The following CDKAL1 variants were observed in gnomAD, a reference collection of about 807,000 sequenced individuals.
CDKAL1 encodes the protein threonylcarbamoyladenosine tRNA methylthiotransferase.
Under a neutral mutation model 68.2 loss-of-function variants are expected in CDKAL1, and 32 were observed. The observed-to-expected ratio is 0.47, with a 90% CI of 0.35 to 0.63. The LOEUF (loss-of-function observed/expected upper bound fraction) is 0.63, where lower values mean the gene tolerates loss of function less well. CDKAL1 is among the 30% of genes least tolerant of loss of function. The pLI is 0.00. For missense variants in CDKAL1, 606 were observed against 696.7 expected (o/e 0.87, Z 1.47); for synonymous variants, 234 against 244.3 (o/e 0.96, Z 0.39).
At chr6:20,901,509 C>T (rs1207393866) in intron 9 of CDKAL1, among the ~76,000 whole-genome samples, 9 of 150,620 alleles carry the variant, frequency 6.0e-5, no homozygotes, top group Non-Finnish European at 1.3e-4. Context: ...CCTGTCTCTA[C>T]TAAAAATACA....
At chr6:20,791,038 C>T (rs1049276875) in intron 8 of CDKAL1, among the ~76,000 whole-genome samples, 2 of 152,126 alleles carry the variant, frequency 1.3e-5, no homozygotes, top group South Asian at 2.1e-4. Flanking sequence ...CAATCCGGTC[C>T]GTGGATTTGA....
At chr6:20,876,703 C>T (rs921215808) in intron 9 of CDKAL1, among the ~76,000 whole-genome samples, 1 of 152,066 alleles carries the variant, frequency 6.6e-6, no homozygotes, top group Non-Finnish European at 1.5e-5. Flanking sequence ...AACAGGCAGG[C>T]GTAGAATTCA....
At chr6:20,650,494 C>A (rs1768708766) in intron 5 of CDKAL1, among the ~76,000 whole-genome samples, 1 of 152,010 alleles carries the variant, frequency 6.6e-6, no homozygotes, top group East Asian at 1.9e-4. Flanking sequence ...AAAATTTTCT[C>A]CCATTCTATA....
At chr6:21,003,108 A>G (rs1412892734) in intron 11 of CDKAL1, among the ~76,000 whole-genome samples, 1 of 151,998 alleles carries the variant, frequency 6.6e-6, no homozygotes, top group African/African-American at 2.4e-5. Context: ...TGAGGACAGT[A>G]TAATCAGCTT....
chr6:21,096,994 A>G (rs1191558904), intron 12 of CDKAL1, among the ~76,000 whole-genome samples: 1 of 152,246 alleles, frequency 6.6e-6, no homozygotes, highest in African/African-American at 2.4e-5. Flanking sequence ...GGTAATATTT[A>G]TATCAAGAAT....
At chr6:21,193,983 A>G (rs957844433) in intron 13 of CDKAL1, among the ~76,000 whole-genome samples, 2 of 152,198 alleles carry the variant, frequency 1.3e-5, no homozygotes, top group African/African-American at 4.8e-5. Context: ...AGATCAGGCA[A>G]CCCATTTAGT....
intron 13 of CDKAL1, among the ~76,000 whole-genome samples, chr6:21,163,845 G>A (rs1185973195): frequency 6.6e-6 from 1 of 152,080 alleles, no homozygotes; most frequent in Admixed American, 6.6e-5. Context: ...CAGCTACTTG[G>A]AAGGCTGAGG....
intron 9 of CDKAL1, among the ~76,000 whole-genome samples, chr6:20,855,304 G>A (rs150663317): frequency 1.3e-5 from 2 of 151,958 alleles, no homozygotes; most frequent in African/African-American, 4.8e-5. Context: ...ATAGCCAGGC[G>A]TGGTGGTGCA....
chr6:21,147,985 G>A lies in CDKAL1; in HGVS notation c.1299+39522G>A, dbSNP rs139692641. On this transcript the variant is annotated intron_variant, in intron 13 of 15. Transcript: ENST00000274695. ...TAGGCGGAAAGCATGTTCTAATTAC[G>A]GGGATGGATAAAAGCAAACTAATTA... Among the ~76,000 whole-genome samples the A allele has an allele frequency of 1.6e-3, 241 of 152,264 alleles. 2 individuals are homozygous for A. The highest frequency in any genetic ancestry group is 5.3e-3 in the African/African-American group (222 of 41,546).
chr6:20,557,333 T>A lies in CDKAL1; in HGVS notation c.286+8628T>A, dbSNP rs1472110068. 2.0e-5 allele frequency among the ~76,000 whole-genome samples: 3 copies of A among 152,206 alleles called. No homozygotes were observed. In the East Asian group the frequency reaches 5.8e-4, roughly 29 times the overall value. On this transcript the variant is annotated intron_variant, in intron 4 of 15. Coordinates refer to ENST00000274695, the MANE Select transcript of CDKAL1 (RefSeq NM_017774.3). ...ATTATAGTGCAAGTAAATTGTAGTCTGATCATGTGTAGTATCTGTAATGCA... is the reference window on the plus strand; with the variant it reads ...ATTATAGTGCAAGTAAATTGTAGTCAGATCATGTGTAGTATCTGTAATGCA...
intron 12 of CDKAL1, among the ~76,000 whole-genome samples, chr6:21,104,242 C>T (rs999029016): frequency 6.6e-6 from 1 of 152,120 alleles, no homozygotes; most frequent in African/African-American, 2.4e-5. Context: ...ATCCTGAAAA[C>T]AAGACAGCTA....
chr6:20,759,936 A>G (rs567493548), intron 7 of CDKAL1, among the ~76,000 whole-genome samples: 11 of 152,230 alleles, frequency 7.2e-5, no homozygotes, highest in Admixed American at 5.2e-4. Context: ...AAAAAACCAT[A>G]TAGTCTCCAC....
intron 11 of CDKAL1, among the ~76,000 whole-genome samples, chr6:21,058,379 A>G (rs1417500950): frequency 1.3e-5 from 2 of 151,954 alleles, no homozygotes; most frequent in East Asian, 1.9e-4. Context: ...ATTTTCTTCC[A>G]TCCCTTTATT....
chr6:20,736,232 C>G (rs1425414448), intron 5 of CDKAL1, among the ~76,000 whole-genome samples: 1 of 151,966 alleles, frequency 6.6e-6, no homozygotes, highest in Non-Finnish European at 1.5e-5. Flanking sequence ...ATGTTAGATG[C>G]CCATTCGTGT....
intron 8 of CDKAL1, among the ~76,000 whole-genome samples, chr6:20,830,642 C>A (rs778736818): frequency 9.2e-5 from 14 of 152,236 alleles, no homozygotes; most frequent in South Asian, 8.3e-4. Flanking sequence ...GGTCCTCCTT[C>A]CCTTTTCTCT....
intron 4 of CDKAL1, among the ~76,000 whole-genome samples, chr6:20,624,266 G>A (rs1767325955): frequency 1.3e-5 from 2 of 151,962 alleles, no homozygotes; most frequent in Admixed American, 6.6e-5. Context: ...AAACACTTGA[G>A]AAATACTATT....
chr6:20,585,988 A>G (rs1477784377), intron 4 of CDKAL1, among the ~76,000 whole-genome samples: 1 of 152,150 alleles, frequency 6.6e-6, no homozygotes, highest in Non-Finnish European at 1.5e-5. Context: ...CATGTTCTTC[A>G]TATCTCAGTA....
At chr6:20,638,746 C>T (rs1768022368) in intron 4 of CDKAL1, among the ~76,000 whole-genome samples, 2 of 100,348 alleles carry the variant, frequency 2.0e-5, no homozygotes, top group Non-Finnish European at 4.3e-5. Flanking sequence ...GGATTACAAA[C>T]GCGCGCCACC....
chr6:20,860,933 A>ATTTT (rs70990075), intron 9 of CDKAL1, among the ~76,000 whole-genome samples: 77 of 134,190 alleles, frequency 5.7e-4, no homozygotes, highest in African/African-American at 1.8e-3. Flanking sequence ...AGTGTGGTCT[A>ATTTT]TTTTTTTTTT....
Sources: allele counts gnomAD v4.1 joint callset (sites outside exome capture counted in the v4.1 genomes callset), GRCh38; gene constraint gnomAD v4.1.1; transcripts MANE v1.5; gene names NCBI Gene and HGNC (gene_info 2026-07-23, HGNC 2026-07-21).